The following STT3B variants were observed in gnomAD, a reference collection of about 807,000 sequenced individuals.
STT3B encodes the protein STT3 oligosaccharyltransferase complex catalytic subunit B, also known as dolichyl-diphosphooligosaccharide--protein glycosyltransferase subunit STT3B.
STT3B carries 29 observed loss-of-function variants against 96.8 expected under a neutral mutation model. The ratio of observed to expected loss-of-function variants is 0.30; its 90% confidence interval spans 0.22 to 0.41. STT3B has a LOEUF of 0.41. Among genes scored for constraint, STT3B ranks in the 10% least tolerant of loss-of-function variants. The probability of loss-of-function intolerance (pLI) is 1.00; values close to 1 mark genes in which losing one functional copy is unlikely to be tolerated. For missense variants in STT3B, 640 were observed against 1,022.3 expected, an observed-to-expected ratio of 0.63 and a Z score of 5.10; for synonymous variants, 367 against 360.0, an observed-to-expected ratio of 1.02 and a Z score of -0.22.
rs1021202445 is a variant in STT3B, at chr3:31,548,390, T to G, written c.314+15078T>G. On this transcript the variant is annotated intron_variant, in intron 1 of 15. Coordinates refer to ENST00000295770, the MANE Select transcript of STT3B (RefSeq NM_178862.3). The stretch of plus-strand genomic sequence containing the variant: ...AAAAAAACAGCCATTTTTTTCCCTG[T>G]TTTACAAATGACTCATTTGTAAAAT... Among the ~76,000 whole-genome samples, 4 of 152,178 alleles carry G rather than the reference T, an allele frequency of 2.6e-5. 1 individual carries two copies. Among genetic ancestry groups the G allele is most frequent in the East Asian group, 1.9e-4 (1 of 5,162 alleles).
At chr3:31,562,074 T>C (rs1243770593) in intron 1 of STT3B, among the ~76,000 whole-genome samples, 1 of 152,126 alleles carries the variant, frequency 6.6e-6, no homozygotes, top group East Asian at 1.9e-4. Context: ...GGGCAGCTTA[T>C]GCCAGTGACA....
intron 1 of STT3B, among the ~76,000 whole-genome samples, chr3:31,575,848 G>A (rs1698252273): frequency 6.6e-6 from 1 of 151,916 alleles, no homozygotes; most frequent in African/African-American, 2.4e-5. Context: ...GCCCTCTATG[G>A]TTTGTGGTTT....
chr3:31,624,917 C>T lies in STT3B; in HGVS notation c.1731C>T (p.Thr577=). The T allele has an allele frequency of 6.2e-7, 1 of 1,608,824 alleles. No homozygotes were observed. The highest frequency in any genetic ancestry group is 8.5e-7 in the Non-Finnish European group (1 of 1,177,028). The change falls in exon 12 of 16, where the codon ACC becomes ACT. Residue 577 remains threonine (T), a synonymous_variant. Coordinates refer to ENST00000295770, the MANE Select transcript of STT3B (RefSeq NM_178862.3). The part of the protein sequence containing the change: ...VVLASYNHDG[T]RNILDDFREA... ...AGAGTATTGTGATTCTTTTCAGCAC[C>T]AGGAATATCTTAGATGATTTTAGAG...
chr3:31,560,065 A>G (rs1306162693), intron 1 of STT3B, among the ~76,000 whole-genome samples: 3 of 151,958 alleles, frequency 2.0e-5, no homozygotes, highest in Non-Finnish European at 2.9e-5. Context: ...CTTTCAGTCT[A>G]TATGTGTCTT....
At chr3:31,536,129 T>C (rs1207931412) in intron 1 of STT3B, among the ~76,000 whole-genome samples, 2 of 152,206 alleles carry the variant, frequency 1.3e-5, no homozygotes, top group African/African-American at 4.8e-5. Flanking sequence ...TTCATTCTTA[T>C]CTGATTCTTA....
chr3:31,533,336 C>G lies in STT3B; in HGVS notation c.314+24C>G, dbSNP rs1158665983. The G allele has an allele frequency of 2.7e-6, 4 of 1,491,444 alleles. No homozygotes were observed. The Admixed American group carries it at 6.5e-5, about 24-fold the overall frequency. The allele number at this position is 1,491,444 out of a possible 1,614,324, so 92.4% of individuals were successfully genotyped here. On this transcript the variant is annotated intron_variant, in intron 1 of 15. Transcript: ENST00000295770. Reference sequence around the variant, plus strand: ...TGGTAAGTGCCTCGCCGCCCCTCCCCCGCCCGTGGCCCGCGGGGAACCGGG... The same window carrying G: ...TGGTAAGTGCCTCGCCGCCCCTCCCGCGCCCGTGGCCCGCGGGGAACCGGG...
chr3:31,599,725 C>G (rs978455888), intron 4 of STT3B, among the ~76,000 whole-genome samples: 3 of 152,080 alleles, frequency 2.0e-5, no homozygotes, highest in African/African-American at 7.2e-5. Context: ...TGGAGATTCT[C>G]TTTAGAATAT....
chr3:31,553,877 T>C (rs1390487648), intron 1 of STT3B, among the ~76,000 whole-genome samples: 5 of 152,212 alleles, frequency 3.3e-5, no homozygotes, highest in Admixed American at 3.3e-4. Context: ...CTTAGAATTG[T>C]GTACTTGTAT....
chr3:31,623,536 A>AAT (rs1699472376), intron 10 of STT3B, 138 bp from the exon 11 acceptor site: 1 of 651,450 alleles, frequency 1.5e-6, no homozygotes, highest in Non-Finnish European at 2.5e-6. Context: ...CCCACATAAG[A>AAT]ATATCTGATG....
intron 13 of STT3B, among the ~76,000 whole-genome samples, chr3:31,628,641 ACC>A (rs1699586500): frequency 6.6e-6 from 1 of 152,142 alleles, no homozygotes; most frequent in East Asian, 1.9e-4. Flanking sequence ...CATAAAAATT[ACC>A]ACAGGAGTCT....
At chr3:31,562,614 C>T (rs544812618) in intron 1 of STT3B, among the ~76,000 whole-genome samples, 4 of 152,216 alleles carry the variant, frequency 2.6e-5, no homozygotes, top group South Asian at 4.1e-4. Flanking sequence ...GGTGGGGTTG[C>T]TTTCCTTCAG....
At chr3:31,573,036 G>T (rs982886994) in intron 1 of STT3B, among the ~76,000 whole-genome samples, 1 of 152,176 alleles carries the variant, frequency 6.6e-6, no homozygotes, top group African/African-American at 2.4e-5. Flanking sequence ...TTTGCAGGAT[G>T]AGTTAACTGG....
rs1699349677 is a variant in STT3B, at chr3:31,618,111, G to A, written c.1172+123G>A. 5.6e-6 allele frequency: 4 copies of A among 717,354 alleles called. No individual in the cohort carries two copies. The Admixed American group carries it at 6.8e-5, about 12-fold the overall frequency. The allele number at this position is 717,354 out of a possible 1,614,324, so 44.4% of individuals were successfully genotyped here. Reference sequence around the variant, plus strand: ...ACACTTCTAAGTACCAAAGATGCTAGTTTAGTAAATGTTAAATTCCTTTTA... The same window carrying A: ...ACACTTCTAAGTACCAAAGATGCTAATTTAGTAAATGTTAAATTCCTTTTA... On this transcript the variant is annotated intron_variant, in intron 8 of 15. Transcript: ENST00000295770.
In STT3B at chr3:31,576,024, T is replaced by G. The variant is rs995944856; in HGVS notation, c.315-372T>G. 5.3e-5 allele frequency among the ~76,000 whole-genome samples: 8 copies of G among 152,256 alleles called. No individual in the cohort carries two copies. The East Asian group carries it at 1.5e-3, about 29-fold the overall frequency. ...GCTATTATAGTTTAAAGCCAATGTT[T>G]TTAGGGTTGCAGGATTTTGGGCAAT... On this transcript the variant is annotated intron_variant, in intron 1 of 15. Coordinates refer to ENST00000295770, the MANE Select transcript of STT3B (RefSeq NM_178862.3).
intron 5 of STT3B, among the ~76,000 whole-genome samples, chr3:31,610,633 A>G (rs748322885): frequency 6.6e-6 from 1 of 152,194 alleles, no homozygotes; most frequent in Non-Finnish European, 1.5e-5. Context: ...GTCAAGGACT[A>G]TGGTATATTT....
intron 1 of STT3B, among the ~76,000 whole-genome samples, chr3:31,548,613 C>G (rs1056843443): frequency 6.6e-6 from 1 of 152,104 alleles, no homozygotes; most frequent in Non-Finnish European, 1.5e-5. Flanking sequence ...TATTGACCAC[C>G]TCTCCTCAAC....
At chr3:31,605,712 A>G (rs1227673320) in intron 5 of STT3B, among the ~76,000 whole-genome samples, 1 of 152,242 alleles carries the variant, frequency 6.6e-6, no homozygotes, top group Non-Finnish European at 1.5e-5. Context: ...CAGCAGCATG[A>G]GAACAGACTA....
chr3:31,551,753 C>G (rs1010183857), intron 1 of STT3B, among the ~76,000 whole-genome samples: 2 of 152,182 alleles, frequency 1.3e-5, no homozygotes, highest in African/African-American at 2.4e-5. Flanking sequence ...TAGACAGAGT[C>G]TAGGGTGATG....
intron 3 of STT3B, among the ~76,000 whole-genome samples, chr3:31,585,755 G>A (rs541220289): frequency 1.3e-5 from 2 of 151,866 alleles, no homozygotes; most frequent in Non-Finnish European, 2.9e-5. Context: ...CTGTATATCC[G>A]TCTTCCTTCA....
Sources: allele counts gnomAD v4.1 joint callset (sites outside exome capture counted in the v4.1 genomes callset), GRCh38; gene constraint gnomAD v4.1.1; transcripts MANE v1.5; gene names NCBI Gene and HGNC (gene_info 2026-07-23, HGNC 2026-07-21).